RASGRF2: variants seen among roughly 807,000 people sequenced by gnomAD.
RASGRF2 encodes the protein Ras protein specific guanine nucleotide releasing factor 2.
A neutral mutation model predicts 151.0 loss-of-function variants in RASGRF2; 76 were observed. The ratio of observed to expected loss-of-function variants is 0.50; its 90% confidence interval spans 0.42 to 0.61. The LOEUF is 0.61. Ranked by LOEUF, RASGRF2 falls within the 20% of genes least tolerant of loss-of-function variation. The pLI is 0.00. For synonymous variants in RASGRF2, 504 were observed against 566.5 expected, an observed-to-expected ratio of 0.89 and a Z score of 1.57; for missense variants, 1,148 against 1,564.6, an observed-to-expected ratio of 0.73 and a Z score of 4.49.
At chr5:81,222,887 T>G (rs1166088476) in intron 26 of RASGRF2, among the ~76,000 whole-genome samples, 1 of 104,878 alleles carries the variant, frequency 9.5e-6, no homozygotes, top group Non-Finnish European at 1.9e-5. Flanking sequence ...ATTTAGAAAA[T>G]CCAAGAGAAA....
chr5:81,228,561 G>A lies in RASGRF2; in HGVS notation c.*2791G>A, dbSNP rs1022616836. 3.3e-5 allele frequency: 5 copies of A among 152,280 alleles called. No homozygotes were observed. Among genetic ancestry groups the A allele is most frequent in the African/African-American group, 7.2e-5 (3 of 41,548 alleles). 9.4% of individuals were successfully genotyped at this position (152,280 alleles called of 1,614,324 possible). On this transcript the variant is annotated 3_prime_UTR_variant, in exon 27 of 27. Coordinates refer to ENST00000265080, the MANE Select transcript of RASGRF2 (RefSeq NM_006909.3). ...GGTCAACCTCTAACAGCCAAGTAGC[G>A]AACATGTATACTGTAAAATTAACCT...
chr5:80,961,580 C>G (rs903549014), intron 1 of RASGRF2, among the ~76,000 whole-genome samples: 4 of 152,144 alleles, frequency 2.6e-5, no homozygotes, highest in Non-Finnish European at 5.9e-5. Flanking sequence ...GTTGGCCTTG[C>G]TAACATTTGA....
intron 9 of RASGRF2, among the ~76,000 whole-genome samples, chr5:81,089,970 C>A (rs1752343495): frequency 6.6e-6 from 1 of 152,186 alleles, no homozygotes; most frequent in South Asian, 2.1e-4. Flanking sequence ...TCTAAGCTGA[C>A]ATTTTGTACA....
At chr5:81,207,034 G>A (rs967000465) in intron 20 of RASGRF2, 129 bp downstream of exon 20, 14 of 872,672 alleles carry the variant, frequency 1.6e-5, no homozygotes, top group Non-Finnish European at 2.6e-5. Context: ...GAAGCTCTGT[G>A]AGATGAACCA....
intron 19 of RASGRF2, among the ~76,000 whole-genome samples, chr5:81,203,886 C>A (rs905998369): frequency 1.1e-4 from 16 of 152,220 alleles, no homozygotes; most frequent in African/African-American, 3.9e-4. Flanking sequence ...AAAGTAGTTT[C>A]TGCCGTTAAG....
intron 1 of RASGRF2, among the ~76,000 whole-genome samples, chr5:80,994,236 G>T (rs1180222692): frequency 6.6e-6 from 1 of 151,918 alleles, no homozygotes; most frequent in East Asian, 1.9e-4. Context: ...CGTGGTGGTA[G>T]GCGCCTGTAG....
chr5:81,066,076 C>A (rs1751591915), intron 2 of RASGRF2, among the ~76,000 whole-genome samples: 1 of 151,894 alleles, frequency 6.6e-6, no homozygotes. Context: ...TATTTGTAAC[C>A]AATTTGGCAT....
At chr5:81,143,619 C>T (rs970706884) in intron 17 of RASGRF2, among the ~76,000 whole-genome samples, 6 of 151,610 alleles carry the variant, frequency 4.0e-5, no homozygotes, top group South Asian at 4.2e-4. Flanking sequence ...AGGGCAGGCA[C>T]GGTGGTGCAC....
chr5:81,196,617 C>T (rs960229898), intron 18 of RASGRF2, among the ~76,000 whole-genome samples: 2 of 150,982 alleles, frequency 1.3e-5, no homozygotes, highest in Admixed American at 6.6e-5. Flanking sequence ...CGTCCCCCAC[C>T]CCACTCCCCC....
At chr5:81,178,899 T>C (rs928156745) in intron 17 of RASGRF2, among the ~76,000 whole-genome samples, 11 of 152,070 alleles carry the variant, frequency 7.2e-5, no homozygotes, top group African/African-American at 1.7e-4. Flanking sequence ...CCACCACGCC[T>C]GGCTAATTTT....
In RASGRF2 at chr5:80,960,788, T is replaced by G; in HGVS notation, c.50T>G (p.Phe17Cys). The change falls in exon 1 of 27, where the codon TTT (phenylalanine) becomes TGT (cysteine). Residue 17 changes from phenylalanine to cysteine, a missense_variant. Physicochemically the swap from Phe to Cys is radical, Grantham distance 205. Coordinates refer to ENST00000265080, the MANE Select transcript of RASGRF2 (RefSeq NM_006909.3). The surrounding 1 kb of genome is among the most constrained non-coding windows in gnomAD (Gnocchi z 5.5). Reference sequence around the variant, plus strand: ...GAGGGGCACGCCCTGTACCTGGCCTTTCTGGCGCGCAAGGAGGGCACCAAG... The same window carrying G: ...GAGGGGCACGCCCTGTACCTGGCCTGTCTGGCGCGCAAGGAGGGCACCAAG... Reference protein sequence around the residue: ...YNEGHALYLAFLARKEGTKRG... With the variant: ...YNEGHALYLACLARKEGTKRG... The G allele has an allele frequency of 6.2e-7, 1 of 1,612,740 alleles. No individual in the cohort carries two copies. Among genetic ancestry groups the G allele is most frequent in the Middle Eastern group, 1.7e-4 (1 of 6,028 alleles).
At chr5:80,982,833 C>T (rs1748353751) in intron 1 of RASGRF2, among the ~76,000 whole-genome samples, 1 of 152,008 alleles carries the variant, frequency 6.6e-6, no homozygotes, top group African/African-American at 2.4e-5. Flanking sequence ...ATCTCCTGAC[C>T]TCATGATCTG....
chr5:81,093,256 T>C (rs1752443547), intron 10 of RASGRF2, among the ~76,000 whole-genome samples: 2 of 152,252 alleles, frequency 1.3e-5, no homozygotes. Context: ...CAAAGTTATA[T>C]ACTAGTTGAC....
intron 1 of RASGRF2, among the ~76,000 whole-genome samples, chr5:81,001,086 G>C (rs960184908): frequency 3.9e-5 from 6 of 152,300 alleles, no homozygotes; most frequent in African/African-American, 1.4e-4. Flanking sequence ...AAGTTAAGAA[G>C]TACTGTTCTA....
chr5:81,108,349 TCCTCTTG>T (rs200396509), intron 12 of RASGRF2, among the ~76,000 whole-genome samples: 10,292 of 152,216 alleles, frequency 0.068, 374 homozygotes, highest in South Asian at 0.12. Context: ...TCCTGAACTC[TCCTCTTG>T]GAAAAGAGAA....
intron 2 of RASGRF2, among the ~76,000 whole-genome samples, chr5:81,061,163 T>C (rs1174839185): frequency 6.6e-6 from 1 of 152,212 alleles, no homozygotes; most frequent in Non-Finnish European, 1.5e-5. Context: ...AGATATATTA[T>C]TACTTATTTA....
intron 18 of RASGRF2, among the ~76,000 whole-genome samples, chr5:81,195,826 A>T (rs912306745): frequency 6.6e-6 from 1 of 152,200 alleles, no homozygotes; most frequent in Non-Finnish European, 1.5e-5. Context: ...TTCTTGTCCC[A>T]GCCCCTCCAT....
At chr5:80,989,768 A>G (rs577484141) in intron 1 of RASGRF2, among the ~76,000 whole-genome samples, 3 of 152,190 alleles carry the variant, frequency 2.0e-5, no homozygotes, top group African/African-American at 7.2e-5. Flanking sequence ...TGAAACATAT[A>G]CTATGATGGT....
chr5:81,076,936 A>G (rs1751956739), intron 5 of RASGRF2, among the ~76,000 whole-genome samples: 1 of 152,228 alleles, frequency 6.6e-6, no homozygotes, highest in Non-Finnish European at 1.5e-5. Context: ...ATGCAGGTGC[A>G]GAGTGGGTGG....
Sources: allele counts gnomAD v4.1 joint callset (sites outside exome capture counted in the v4.1 genomes callset), GRCh38; gene constraint gnomAD v4.1.1; non-coding constraint Gnocchi (gnomAD v3.1); transcripts MANE v1.5; gene names NCBI Gene and HGNC (gene_info 2026-07-23, HGNC 2026-07-21).